ANKLE2: variants seen among roughly 807,000 people sequenced by gnomAD.
ANKLE2 encodes ankyrin repeat and LEM domain containing 2, also known as ankyrin repeat and LEM domain-containing protein 2.
ANKLE2 carries 55 observed loss-of-function variants against 84.2 expected under a neutral mutation model. That is an observed-to-expected ratio of 0.65 (90% confidence interval 0.53 to 0.82). The LOEUF is 0.82. Ranked by LOEUF, ANKLE2 falls within the 40% of genes least tolerant of loss-of-function variation. ANKLE2 has a pLI of 0.00. For missense variants in ANKLE2, 1,238 were observed against 1,201.9 expected, an observed-to-expected ratio of 1.03 and a Z score of -0.44; for synonymous variants, 551 against 486.1, an observed-to-expected ratio of 1.13 and a Z score of -1.76.
At chr12:132,741,354 C>T (rs2044118608) in intron 7 of ANKLE2, 65 bp downstream of exon 7, 2 of 1,525,514 alleles carry the variant, frequency 1.3e-6, no homozygotes, top group Non-Finnish European at 9.1e-7. Context: ...CTGCTGTGTC[C>T]CCCAACGCTC....
rs1032738718 is a variant in ANKLE2 at position 132,743,948 on chromosome 12, A to T, written c.1231-672T>A. On this transcript the variant is annotated intron_variant, in intron 5 of 12. Coordinates refer to ENST00000357997, the MANE Select transcript of ANKLE2 (RefSeq NM_015114.3). The surrounding 1 kb of genome is among the most constrained non-coding windows in gnomAD (Gnocchi z 4.1). The stretch of plus-strand genomic sequence containing the variant: ...AGCGCACGAATTTGGTCTGTACTCA[A>T]AGAAGTCTCTGCGGCCTGTGACACC... Among the ~76,000 whole-genome samples the T allele has an allele frequency of 6.6e-6, 1 of 152,226 alleles. No individual in the cohort carries two copies. The highest frequency in any genetic ancestry group is 6.5e-5 in the Admixed American group (1 of 15,292).
intron 1 of ANKLE2, chr12:132,755,758 A>C (rs1291357862): frequency 6.6e-6 from 1 of 150,662 alleles, no homozygotes; most frequent in African/African-American, 2.4e-5. Context: ...ACGGGGTTTC[A>C]CCATGTTGGC....
intron 5 of ANKLE2, among the ~76,000 whole-genome samples, chr12:132,747,184 T>C (rs886102878): frequency 6.6e-6 from 1 of 152,236 alleles, no homozygotes; most frequent in African/African-American, 2.4e-5. Flanking sequence ...AGATCGTTCC[T>C]GTTTCTAAGC....
chr12:132,738,524 A>T, intron 7 of ANKLE2: 1 of 138,920 alleles, frequency 7.2e-6, no homozygotes, highest in Non-Finnish European at 1.6e-5. Context: ...TCATAGTTTC[A>T]TAGTTTTTTT....
intron 12 of ANKLE2, among the ~76,000 whole-genome samples, chr12:132,727,648 G>A (rs1263364809): frequency 3.4e-5 from 5 of 148,380 alleles, no homozygotes; most frequent in African/African-American, 7.8e-5. Flanking sequence ...GCGCCCGGGC[G>A]GAGGAGACAC....
rs555121480 is a variant in ANKLE2, at chr12:132,749,815, G to A, written c.847+828C>T. Among the ~76,000 whole-genome samples, 61 of 152,298 alleles carry A rather than the reference G, an allele frequency of 4.0e-4. 1 individual carries two copies. The South Asian group carries it at 0.011, about 27-fold the overall frequency. On this transcript the variant is annotated intron_variant, in intron 3 of 12. Transcript: ENST00000357997. ...CTGGACCGCTCCTACAGATAAGCCC[G>A]CCTTCTCCAGATGCCCTAGTCCTTG...
At chr12:132,755,253 T>C (rs1292690048) in intron 1 of ANKLE2, 120 bp from the exon 2 acceptor site, 1 of 1,046,266 alleles carries the variant, frequency 9.6e-7, no homozygotes. Flanking sequence ...ATTAAAAACT[T>C]TTTTTCTTGG....
intron 6 of ANKLE2, chr12:132,742,297 T>C (rs953976910): frequency 6.4e-6 from 1 of 157,348 alleles, no homozygotes; most frequent in African/African-American, 2.4e-5. Flanking sequence ...TTCTTTTTGA[T>C]CAAGCAGTAT....
chr12:132,760,280 T>A (rs1021180254), intron 1 of ANKLE2: 10 of 152,110 alleles, frequency 6.6e-5, no homozygotes, highest in Non-Finnish European at 2.9e-5. Context: ...TTTCTCCCAC[T>A]AGTCTTGCAA....
intron 1 of ANKLE2, chr12:132,757,269 A>G (rs1005793577): frequency 2.6e-5 from 4 of 152,336 alleles, no homozygotes; most frequent in Admixed American, 6.5e-5. Flanking sequence ...GATGAGAGCC[A>G]GGACTCTCAA....
chr12:132,753,828 G>A (rs866374325), intron 2 of ANKLE2, among the ~76,000 whole-genome samples: 11 of 152,202 alleles, frequency 7.2e-5, no homozygotes, highest in South Asian at 2.1e-4. Context: ...CTACTCAAGC[G>A]GCTGAGGTGG....
intron 1 of ANKLE2, chr12:132,759,721 C>G (rs2044582366): frequency 7.2e-6 from 1 of 138,808 alleles, no homozygotes; most frequent in African/African-American, 3.5e-5. Context: ...TAACAGCACT[C>G]AGAGGTGCTT....
chr12:132,732,833 C>G (rs10870502), intron 10 of ANKLE2, among the ~76,000 whole-genome samples: 17 of 111,848 alleles, frequency 1.5e-4, no homozygotes, highest in African/African-American at 2.6e-4. Flanking sequence ...CATGTGAAGC[C>G]CTCTGCGTGC....
chr12:132,743,057 C>T lies in ANKLE2; in HGVS notation c.1353+97G>A, dbSNP rs866179788. The T allele has an allele frequency of 2.5e-5, 30 of 1,195,634 alleles. No individual in the cohort carries two copies. In the Middle Eastern group the frequency reaches 1.2e-3, roughly 47 times the overall value. 74.1% of individuals were successfully genotyped at this position (1,195,634 alleles called of 1,614,324 possible). A position where few individuals can be genotyped will look rare whatever the true frequency, so the allele number is the denominator to read the frequency against. ...TAAAGCAAACACAACTCATACAGAG[C>T]TCCTTGTGGCTTCCCTGTGCCTGTG... On this transcript the variant is annotated intron_variant, in intron 6 of 12. Coordinates refer to ENST00000357997, the MANE Select transcript of ANKLE2 (RefSeq NM_015114.3). The surrounding 1 kb of genome is among the most constrained non-coding windows in gnomAD (Gnocchi z 4.1).
At position 132,741,386 on chromosome 12, in the gene ANKLE2, C is replaced by T. The variant is rs763313062; in HGVS notation, c.1420+33G>A. On this transcript the variant is annotated intron_variant, in intron 7 of 12. Coordinates refer to ENST00000357997, the MANE Select transcript of ANKLE2 (RefSeq NM_015114.3). ...GCTCCAAGGCCCTTCCCGGCGTGGACCCCACGATCCAGGCACCAACTCCCC... is the reference window on the plus strand; with the variant it reads ...GCTCCAAGGCCCTTCCCGGCGTGGATCCCACGATCCAGGCACCAACTCCCC... 3.7e-6 allele frequency: 6 copies of T among 1,609,068 alleles called. No homozygotes were observed. In the African/African-American group the frequency reaches 4.0e-5, roughly 11 times the overall value.
intron 11 of ANKLE2, among the ~76,000 whole-genome samples, 185 bp from the exon 12 acceptor site, chr12:132,728,348 C>T (rs1006938393): frequency 7.2e-5 from 11 of 152,178 alleles, no homozygotes; most frequent in Non-Finnish European, 1.6e-4. Context: ...TCTGCCTCAG[C>T]CTCCCGAGTA....
intron 10 of ANKLE2, chr12:132,732,139 A>G (rs80314676): frequency 0.022 from 1,980 of 90,690 alleles, 40 homozygotes; most frequent in South Asian, 0.046. Context: ...TGTCTGATAT[A>G]CACCGTGTGA....
intron 1 of ANKLE2, chr12:132,759,327 G>A (rs2044565009): frequency 6.6e-6 from 1 of 152,196 alleles, no homozygotes; most frequent in Admixed American, 6.5e-5. Flanking sequence ...TACAAATAAA[G>A]TTGCTATGAA....
chr12:132,734,874 C>T, intron 9 of ANKLE2: 2 of 389,242 alleles, frequency 5.1e-6, no homozygotes, highest in Non-Finnish European at 9.2e-6. Context: ...CAGTTCAACT[C>T]CCACAGACGG....
Sources: allele counts gnomAD v4.1 joint callset (sites outside exome capture counted in the v4.1 genomes callset), GRCh38; gene constraint gnomAD v4.1.1; non-coding constraint Gnocchi (gnomAD v3.1); transcripts MANE v1.5; gene names NCBI Gene and HGNC (gene_info 2026-07-23, HGNC 2026-07-21).